TULP3: variants seen among roughly 807,000 people sequenced by gnomAD.
TULP3 encodes the protein tubby-related protein 3.
TULP3 carries 38 observed loss-of-function variants against 50.7 expected under a neutral mutation model. The observed-to-expected ratio is 0.75, with a 90% CI of 0.58 to 0.98. TULP3 has a LOEUF of 0.98. TULP3 is among the 50% of genes least tolerant of loss of function. The probability of loss-of-function intolerance (pLI) is 0.00; values close to 1 mark genes in which losing one functional copy is unlikely to be tolerated. For synonymous variants in TULP3, 183 were observed against 196.6 expected (o/e 0.93, Z 0.58); for missense variants, 550 against 568.0 (o/e 0.97, Z 0.32).
intron 1 of TULP3, among the ~76,000 whole-genome samples, chr12:2,903,762 TG>T (rs2098180597): frequency 6.6e-6 from 1 of 152,044 alleles, no homozygotes. Flanking sequence ...TTTCCCCTAA[TG>T]TTAACGTCTT....
rs1458197574 is a variant in TULP3 at position 2,900,222 on chromosome 12, AG to A, written c.41+9235del. Among the ~76,000 whole-genome samples the A allele has an allele frequency of 1.1e-4, 16 of 152,272 alleles. No homozygotes were observed. In the East Asian group the frequency reaches 1.2e-3, roughly 11 times the overall value. Reference sequence around the variant, plus strand: ...TAGCGACAGAGCAAGACTCTGTCTCAGAAACAAAAACAAAAAAACTTGGATT... The same window carrying A: ...TAGCGACAGAGCAAGACTCTGTCTCAAAACAAAAACAAAAAAACTTGGATT... On this transcript the variant is annotated intron_variant, in intron 1 of 10. Transcript: ENST00000448120.
intron 1 of TULP3, among the ~76,000 whole-genome samples, chr12:2,900,247 T>C (rs950118595): frequency 6.6e-6 from 1 of 151,962 alleles, no homozygotes; most frequent in African/African-American, 2.4e-5. Flanking sequence ...AAAACTTGGA[T>C]TCTAAAGATA....
intron 2 of TULP3, among the ~76,000 whole-genome samples, chr12:2,915,773 T>C (rs116694988): frequency 0.012 from 1,769 of 152,028 alleles, 38 homozygotes; most frequent in African/African-American, 0.04. Flanking sequence ...TTCAATCCTT[T>C]GACCTCGTGA....
intron 1 of TULP3, 110 bp downstream of exon 1, chr12:2,891,098 G>C (rs1355123938): frequency 1.5e-6 from 2 of 1,290,480 alleles, no homozygotes; most frequent in Non-Finnish European, 2.1e-6. Flanking sequence ...CTCGGGACTT[G>C]GCGACTCAGG....
chr12:2,899,754 G>A (rs534519976), intron 1 of TULP3, among the ~76,000 whole-genome samples: 262 of 152,090 alleles, frequency 1.7e-3, no homozygotes, highest in Non-Finnish European at 2.2e-3. Context: ...TTAGCCGGGT[G>A]TGGTGGCAGG....
Position 2,939,996 on chromosome 12 carries a change from CCT to C in TULP3, c.*556_*557del. 1 of 1,283,030 alleles carries C rather than the reference CCT, an allele frequency of 7.8e-7. No individual in the cohort carries two copies. The highest frequency in any genetic ancestry group is 1.0e-6 in the Non-Finnish European group (1 of 983,424). 79.5% of individuals were successfully genotyped at this position (1,283,030 alleles called of 1,614,324 possible). On this transcript the variant is annotated 3_prime_UTR_variant, in exon 11 of 11. Transcript: ENST00000448120. The surrounding 1 kb of genome is among the most constrained non-coding windows in gnomAD (Gnocchi z 4.0). ...AGAATCAGGGACTGACATCGCAGTT[CCT>C]CTCCTCTCTTCATTCCCTCACAGCA...
intron 2 of TULP3, among the ~76,000 whole-genome samples, chr12:2,911,613 C>G (rs2098185645): frequency 6.8e-6 from 1 of 146,854 alleles, no homozygotes; most frequent in South Asian, 2.1e-4. Context: ...GATCCGCCCG[C>G]CTTAGCCTCC....
chr12:2,924,049 C>T (rs138445330), intron 4 of TULP3, among the ~76,000 whole-genome samples: 6 of 152,278 alleles, frequency 3.9e-5, no homozygotes, highest in African/African-American at 1.4e-4. Flanking sequence ...AGGCAACATT[C>T]TAGGTACTTA....
intron 2 of TULP3, among the ~76,000 whole-genome samples, chr12:2,913,832 A>G (rs1335467256): frequency 6.6e-6 from 1 of 151,782 alleles, no homozygotes; most frequent in African/African-American, 2.4e-5. Flanking sequence ...GCTGATCTCG[A>G]ACTCCTAACC....
intron 8 of TULP3, among the ~76,000 whole-genome samples, chr12:2,935,029 G>C (rs747691912): frequency 6.6e-6 from 1 of 151,896 alleles, no homozygotes. Context: ...CCCGGGAAAG[G>C]CTTGAGAACT....
chr12:2,902,306 A>C (rs370246736), intron 1 of TULP3, among the ~76,000 whole-genome samples: 1 of 152,218 alleles, frequency 6.6e-6, no homozygotes, highest in Non-Finnish European at 1.5e-5. Flanking sequence ...TACTGTAGTC[A>C]GTAAAGGAAG....
intron 1 of TULP3, among the ~76,000 whole-genome samples, chr12:2,898,786 C>T (rs926795595): frequency 6.6e-6 from 1 of 151,878 alleles, no homozygotes; most frequent in African/African-American, 2.4e-5. Flanking sequence ...TTCAAGCAGT[C>T]CTCCTTCCTC....
At chr12:2,914,704 C>T (rs1352747023) in intron 2 of TULP3, among the ~76,000 whole-genome samples, 2 of 152,096 alleles carry the variant, frequency 1.3e-5, no homozygotes, top group Non-Finnish European at 2.9e-5. Flanking sequence ...GCAATCTTGG[C>T]TCACTGCAAC....
Position 2,895,524 on chromosome 12 carries a change from A to G in TULP3, c.41+4536A>G, listed in dbSNP as rs151294757. Among the ~76,000 whole-genome samples the G allele has an allele frequency of 2.6e-5, 4 of 152,358 alleles. No homozygotes were observed. In the East Asian group the frequency reaches 7.7e-4, roughly 29 times the overall value. ...AAGCCAGATGTGTTCTTGGTGTGTC[A>G]GTATGTGTAAAAACATGGCCTTCGA... On this transcript the variant is annotated intron_variant, in intron 1 of 10. Transcript: ENST00000448120.
chr12:2,914,234 C>A (rs2098187361), intron 2 of TULP3, among the ~76,000 whole-genome samples: 1 of 148,420 alleles, frequency 6.7e-6, no homozygotes, highest in African/African-American at 2.5e-5. Flanking sequence ...AAGCAGTTCT[C>A]CTGCCTCAGC....
Position 2,939,099 on chromosome 12 carries a change from G to A in TULP3, c.1196-212G>A, listed in dbSNP as rs1180180134. 1.3e-5 allele frequency among the ~76,000 whole-genome samples: 2 copies of A among 151,670 alleles called. No homozygotes were observed. The highest frequency in any genetic ancestry group is 2.4e-5 in the African/African-American group (1 of 41,376). On this transcript the variant is annotated intron_variant, in intron 10 of 10. Transcript: ENST00000448120. The surrounding 1 kb of genome is among the most constrained non-coding windows in gnomAD (Gnocchi z 4.0). The stretch of plus-strand genomic sequence containing the variant: ...ATATTAGCCAGGCGTGGTGGCGCTT[G>A]CCTGTAGTCCCAGCTACTCAGGAGG...
intron 2 of TULP3, among the ~76,000 whole-genome samples, chr12:2,913,808 A>G (rs1591528967): frequency 6.6e-6 from 1 of 152,034 alleles, no homozygotes; most frequent in African/African-American, 2.4e-5. Context: ...ACTGGGTTAC[A>G]CCATATTGGT....
In TULP3 at chr12:2,935,611, A is replaced by G. The variant is rs556848365; in HGVS notation, c.924+1050A>G. On this transcript the variant is annotated intron_variant, in intron 8 of 10. Transcript: ENST00000448120. ...ATTAATCCCATGAGATCTTATCTACATGCCTGAGAACCATTTGACTTCACA... is the reference window on the plus strand; with the variant it reads ...ATTAATCCCATGAGATCTTATCTACGTGCCTGAGAACCATTTGACTTCACA... 2.6e-5 allele frequency among the ~76,000 whole-genome samples: 4 copies of G among 152,294 alleles called. No individual in the cohort carries two copies. In the East Asian group the frequency reaches 5.8e-4, roughly 22 times the overall value.
chr12:2,930,994 T>G, intron 5 of TULP3, 43 bp from the exon 6 acceptor site: 20 of 1,605,448 alleles, frequency 1.2e-5, no homozygotes, highest in Non-Finnish European at 1.7e-5. Context: ...AATCAGATTT[T>G]GAGTCTCGGC....
Sources: allele counts gnomAD v4.1 joint callset (sites outside exome capture counted in the v4.1 genomes callset), GRCh38; gene constraint gnomAD v4.1.1; non-coding constraint Gnocchi (gnomAD v3.1); transcripts MANE v1.5; gene names NCBI Gene and HGNC (gene_info 2026-07-23, HGNC 2026-07-21).